VPS53: variants seen among roughly 807,000 people sequenced by gnomAD.
VPS53 encodes the protein vacuolar protein sorting-associated protein 53 homolog.
A neutral mutation model predicts 107.0 loss-of-function variants in VPS53; 70 were observed. The observed-to-expected ratio is 0.65, with a 90% CI of 0.54 to 0.80. The LOEUF (loss-of-function observed/expected upper bound fraction) is 0.80, where lower values mean the gene tolerates loss of function less well. Among genes scored for constraint, VPS53 ranks in the 30% least tolerant of loss-of-function variants. The pLI is 0.00. For synonymous variants in VPS53, 409 were observed against 393.3 expected (o/e 1.04, Z -0.47); for missense variants, 917 against 1,049.4 (o/e 0.87, Z 1.74).
At chr17:701,054 T>C (rs1973178821) in intron 2 of VPS53, among the ~76,000 whole-genome samples, 1 of 152,238 alleles carries the variant, frequency 6.6e-6, no homozygotes, top group African/African-American at 2.4e-5. Context: ...CTGGACGTGA[T>C]GGCTCATGCC....
intron 7 of VPS53, among the ~76,000 whole-genome samples, chr17:638,170 TG>T (rs1970273608): frequency 6.6e-6 from 1 of 152,202 alleles, no homozygotes; most frequent in South Asian, 2.1e-4. Flanking sequence ...CATTAAGTAA[TG>T]GCCTTCTTTG....
At chr17:556,517 T>C (rs2151844421) in intron 15 of VPS53, among the ~76,000 whole-genome samples, 1 of 152,296 alleles carries the variant, frequency 6.6e-6, no homozygotes, top group South Asian at 2.1e-4. Context: ...ACAATAGCAA[T>C]TCATAACATC....
At position 636,485 on chromosome 17, in the gene VPS53, G is replaced by C. The variant is rs186015256; in HGVS notation, c.609-4857C>G. Among the ~76,000 whole-genome samples, 150 of 152,318 alleles carry C rather than the reference G, an allele frequency of 9.8e-4. 1 individual carries two copies. The highest frequency in any genetic ancestry group is 3.4e-3 in the African/African-American group (140 of 41,576). On this transcript the variant is annotated intron_variant, in intron 7 of 21. Transcript: ENST00000437048. ...AGGAATGGTGAAAGAGGGCATCCCT[G>C]TCTTGTGCCAGTTTTCAAAGGGAAT...
At chr17:660,244 T>C (rs145259017) in intron 5 of VPS53, among the ~76,000 whole-genome samples, 12 of 152,294 alleles carry the variant, frequency 7.9e-5, no homozygotes, top group African/African-American at 2.6e-4. Flanking sequence ...ATCTATAAGA[T>C]GGGTAATCGC....
intron 4 of VPS53, among the ~76,000 whole-genome samples, chr17:686,483 A>G (rs1972589720): frequency 6.6e-6 from 1 of 152,246 alleles, no homozygotes; most frequent in Non-Finnish European, 1.5e-5. Flanking sequence ...CCAGGCAAAC[A>G]TCTAATGGAG....
chr17:599,688 C>T (rs1244904821), intron 12 of VPS53, among the ~76,000 whole-genome samples: 1 of 150,262 alleles, frequency 6.7e-6, no homozygotes, highest in Non-Finnish European at 1.5e-5. Context: ...ACCTTCCCTC[C>T]ACTATTGTCC....
intron 13 of VPS53, among the ~76,000 whole-genome samples, chr17:568,679 G>C (rs1913776465): frequency 6.6e-6 from 1 of 152,240 alleles, no homozygotes; most frequent in African/African-American, 2.4e-5. Flanking sequence ...GCACAGCTGG[G>C]AGATGGGTTA....
intron 12 of VPS53, among the ~76,000 whole-genome samples, chr17:588,947 G>C (rs1239635384): frequency 3.5e-5 from 5 of 144,140 alleles, no homozygotes; most frequent in Non-Finnish European, 7.5e-5. Flanking sequence ...GATGACTTAA[G>C]TGAATAGAAA....
chr17:572,199 C>T (rs1422246329), intron 13 of VPS53, among the ~76,000 whole-genome samples: 1 of 151,430 alleles, frequency 6.6e-6, no homozygotes, highest in Non-Finnish European at 1.5e-5. Flanking sequence ...CCCGCCGCCC[C>T]GTCTGGGATG....
At chr17:618,499 C>T (rs976650533) in intron 11 of VPS53, among the ~76,000 whole-genome samples, 1 of 151,042 alleles carries the variant, frequency 6.6e-6, no homozygotes, top group Admixed American at 6.6e-5. Flanking sequence ...TACAGGCATG[C>T]GCCACCACAC....
At chr17:706,035 T>C (rs838371) in intron 2 of VPS53, 58,779 of 152,090 alleles carry the variant, frequency 0.39, 13,562 homozygotes, top group Non-Finnish European at 0.52. Flanking sequence ...CATGCTTCCT[T>C]CATGGCAACG....
intron 17 of VPS53, among the ~76,000 whole-genome samples, chr17:549,752 G>A (rs569997117): frequency 7.7e-4 from 117 of 152,196 alleles, no homozygotes; most frequent in Non-Finnish European, 1.1e-3. Flanking sequence ...CTGGCAAAAC[G>A]AATCCTCTAA....
At chr17:536,606 T>G (rs1283352388) in intron 18 of VPS53, 1 of 170,122 alleles carries the variant, frequency 5.9e-6, no homozygotes, top group Non-Finnish European at 1.3e-5. Context: ...TATGCTTCTT[T>G]TGTGTACAAA....
chr17:613,709 TAGTG>T (rs1469015427), intron 11 of VPS53, among the ~76,000 whole-genome samples: 2 of 150,368 alleles, frequency 1.3e-5, no homozygotes, highest in African/African-American at 4.9e-5. Flanking sequence ...AATATTCACA[TAGTG>T]AGTTCACACA....
chr17:521,542 A>G, intron 20 of VPS53, 59 bp downstream of exon 20: 3 of 1,468,798 alleles, frequency 2.0e-6, no homozygotes, highest in Non-Finnish European at 2.7e-6. Flanking sequence ...TTCAAAACCA[A>G]GGCTTCTCAG....
At chr17:686,945 G>C (rs562446835) in intron 4 of VPS53, among the ~76,000 whole-genome samples, 1 of 152,004 alleles carries the variant, frequency 6.6e-6, no homozygotes, top group East Asian at 1.9e-4. Context: ...CCAGGAGTTT[G>C]AGACTAGCCT....
intron 18 of VPS53, among the ~76,000 whole-genome samples, chr17:533,465 A>G (rs1322536001): frequency 6.6e-6 from 1 of 152,020 alleles, no homozygotes; most frequent in East Asian, 1.9e-4. Flanking sequence ...TGGCCTCCCT[A>G]TGCTTCAACC....
intron 7 of VPS53, among the ~76,000 whole-genome samples, chr17:635,576 A>C (rs1970164356): frequency 6.6e-6 from 1 of 152,160 alleles, no homozygotes; most frequent in Non-Finnish European, 1.5e-5. Context: ...TTTTTGTATA[A>C]GGTGTAAGGA....
At chr17:694,070 T>G (rs7207203) in intron 4 of VPS53, among the ~76,000 whole-genome samples, 2 of 151,542 alleles carry the variant, frequency 1.3e-5, no homozygotes, top group African/African-American at 4.8e-5. Flanking sequence ...ACCCAAGAGC[T>G]CCTTGGAAAA....
Sources: allele counts gnomAD v4.1 joint callset (sites outside exome capture counted in the v4.1 genomes callset), GRCh38; gene constraint gnomAD v4.1.1; transcripts MANE v1.5; gene names NCBI Gene and HGNC (gene_info 2026-07-23, HGNC 2026-07-21).